LRP1B: variants seen among roughly 807,000 people sequenced by gnomAD.
LRP1B encodes the protein low-density lipoprotein receptor-related protein 1B.
A neutral mutation model predicts 556.6 loss-of-function variants in LRP1B; 217 were observed. The ratio of observed to expected loss-of-function variants is 0.39; its 90% CI spans 0.35 to 0.44. The LOEUF (loss-of-function observed/expected upper bound fraction) is 0.44. Among genes scored for constraint, LRP1B ranks in the 20% least tolerant of loss-of-function variants. The pLI is 1.00. For synonymous variants in LRP1B, 2,047 were observed against 1,865.8 expected, an observed-to-expected ratio of 1.10 and a Z score of -2.50; for missense variants, 5,053 against 5,620.8, an observed-to-expected ratio of 0.90 and a Z score of 3.23.
chr2:141,144,548 G>C (rs1701734943), intron 7 of LRP1B, among the ~76,000 whole-genome samples: 2 of 152,092 alleles, frequency 1.3e-5, no homozygotes, highest in South Asian at 4.1e-4. Context: ...TCTAGTTACA[G>C]TTAAAAATCT....
chr2:140,873,715 A>G (rs1172873201), intron 25 of LRP1B, among the ~76,000 whole-genome samples: 1 of 151,968 alleles, frequency 6.6e-6, no homozygotes, highest in African/African-American at 2.4e-5. Context: ...AACTCATCAT[A>G]ATTTAGATCC....
chr2:142,080,731 T>A (rs1046728810), intron 1 of LRP1B, among the ~76,000 whole-genome samples: 2 of 152,232 alleles, frequency 1.3e-5, no homozygotes, highest in East Asian at 1.9e-4. Context: ...ATATTTTTGG[T>A]GGGAGATTGA....
At chr2:140,947,513 T>C (rs1162523391) in intron 20 of LRP1B, among the ~76,000 whole-genome samples, 1 of 152,236 alleles carries the variant, frequency 6.6e-6, no homozygotes, top group African/African-American at 2.4e-5. Context: ...GACTGAATTA[T>C]ATGACTAATC....
At chr2:141,265,865 G>A (rs181174364) in intron 3 of LRP1B, among the ~76,000 whole-genome samples, 8 of 152,218 alleles carry the variant, frequency 5.3e-5, no homozygotes, top group Admixed American at 1.3e-4. Flanking sequence ...AAAAATATTT[G>A]TGCTCTCCCT....
chr2:140,382,994 T>G (rs921254817), intron 67 of LRP1B, among the ~76,000 whole-genome samples: 3 of 152,192 alleles, frequency 2.0e-5, no homozygotes, highest in Non-Finnish European at 2.9e-5. Flanking sequence ...TACGAGCAAT[T>G]AGCTGAACCA....
chr2:141,948,005 G>C (rs974050270), intron 1 of LRP1B, among the ~76,000 whole-genome samples: 1 of 151,858 alleles, frequency 6.6e-6, no homozygotes, highest in South Asian at 2.1e-4. Context: ...TTATAAAAAA[G>C]TATGATGATA....
At chr2:141,240,053 G>T (rs2105314262) in intron 5 of LRP1B, among the ~76,000 whole-genome samples, 1 of 152,084 alleles carries the variant, frequency 6.6e-6, no homozygotes, top group Non-Finnish European at 1.5e-5. Flanking sequence ...TAATAATTTG[G>T]TGGGGATTAT....
chr2:140,813,609 AC>A (rs1298914816), intron 32 of LRP1B, 47 bp downstream of exon 32: 2 of 1,564,460 alleles, frequency 1.3e-6, no homozygotes, highest in Non-Finnish European at 1.8e-6. Context: ...TAATAAATCA[AC>A]CCCCAATCAA....
At chr2:140,949,713 G>A (rs1479081611) in intron 20 of LRP1B, among the ~76,000 whole-genome samples, 1 of 151,898 alleles carries the variant, frequency 6.6e-6, no homozygotes, top group Non-Finnish European at 1.5e-5. Flanking sequence ...GGCCGAGGCA[G>A]GCAGATCACG....
chr2:141,799,864 C>T (rs1447220340), intron 2 of LRP1B, among the ~76,000 whole-genome samples: 2 of 149,812 alleles, frequency 1.3e-5, no homozygotes, highest in South Asian at 2.1e-4. Flanking sequence ...TAATGTTATA[C>T]TTATTTTTTC....
intron 18 of LRP1B, among the ~76,000 whole-genome samples, chr2:140,959,263 A>T (rs1444281829): frequency 6.6e-6 from 1 of 151,664 alleles, no homozygotes; most frequent in Non-Finnish European, 1.5e-5. Flanking sequence ...GAAGAGAGTT[A>T]TATTGGTGGT....
At chr2:141,292,337 C>T (rs1686004651) in intron 3 of LRP1B, among the ~76,000 whole-genome samples, 1 of 152,122 alleles carries the variant, frequency 6.6e-6, no homozygotes, top group African/African-American at 2.4e-5. Context: ...TGATAGGCAT[C>T]TAGGGTGCAG....
At chr2:141,132,801 TG>T (rs1433086880) in intron 7 of LRP1B, among the ~76,000 whole-genome samples, 6 of 152,042 alleles carry the variant, frequency 3.9e-5, no homozygotes, top group Non-Finnish European at 5.9e-5. Context: ...AGCATGTGTG[TG>T]ATACACAAAT....
intron 2 of LRP1B, among the ~76,000 whole-genome samples, chr2:141,749,295 G>A (rs112749133): frequency 6.6e-6 from 1 of 152,018 alleles, no homozygotes; most frequent in South Asian, 2.1e-4. Context: ...TTTACTAAGG[G>A]CACCCTATTG....
chr2:142,124,287 G>C (rs143798752), intron 1 of LRP1B, among the ~76,000 whole-genome samples: 1 of 151,860 alleles, frequency 6.6e-6, no homozygotes, highest in East Asian at 1.9e-4. Flanking sequence ...CAAATTTGAA[G>C]TAATAGGGAA....
At chr2:140,553,939 C>T (rs1680637813) in intron 43 of LRP1B, among the ~76,000 whole-genome samples, 1 of 151,998 alleles carries the variant, frequency 6.6e-6, no homozygotes, top group African/African-American at 2.4e-5. Flanking sequence ...TTATCTAACT[C>T]AACCAGAAGC....
rs908843608 is a variant in LRP1B, at chr2:140,370,664, C to T, written c.11008+46G>A. 4 of 1,605,312 alleles carry T rather than the reference C, an allele frequency of 2.5e-6. No individual in the cohort carries two copies. In the African/African-American group the frequency reaches 4.0e-5, roughly 16 times the overall value. On this transcript the variant is annotated intron_variant, in intron 71 of 90. Coordinates refer to ENST00000389484, the MANE Select transcript of LRP1B (RefSeq NM_018557.3). Reference sequence around the variant, plus strand: ...CTGTATATTCTGCACAGAACCTTAACTTTCATTCTCTCATTTACAGGCACA... The same window carrying T: ...CTGTATATTCTGCACAGAACCTTAATTTTCATTCTCTCATTTACAGGCACA...
intron 32 of LRP1B, among the ~76,000 whole-genome samples, chr2:140,797,743 A>T (rs570667985): frequency 1.3e-5 from 2 of 152,298 alleles, no homozygotes; most frequent in East Asian, 3.9e-4. Context: ...CTATTTTTTA[A>T]CTAGAATAAA....
chr2:140,497,398 C>A (rs10174151), intron 55 of LRP1B, among the ~76,000 whole-genome samples: 6,845 of 151,838 alleles, frequency 0.045, 390 homozygotes, highest in African/African-American at 0.14. Context: ...GGAATTGGTA[C>A]TTAACTATGG....
Sources: allele counts gnomAD v4.1 joint callset (sites outside exome capture counted in the v4.1 genomes callset), GRCh38; gene constraint gnomAD v4.1.1; transcripts MANE v1.5; gene names NCBI Gene and HGNC (gene_info 2026-07-23, HGNC 2026-07-21).